FHIT: variants seen among roughly 807,000 people sequenced by gnomAD.
FHIT encodes the protein bis(5'-adenosyl)-triphosphatase.
A neutral mutation model predicts 17.9 loss-of-function variants in FHIT; 19 were observed. The observed-to-expected ratio is 1.06, with a 90% CI of 0.74 to 1.56. FHIT has a LOEUF of 1.56. Ranked by LOEUF, FHIT falls within the 40% of genes most tolerant of loss-of-function variation. The probability of loss-of-function intolerance (pLI) is 0.00; values close to 1 mark genes in which losing one functional copy is unlikely to be tolerated. For missense variants in FHIT, 248 were observed against 189.2 expected (o/e 1.31, Z -1.82); for synonymous variants, 81 against 69.7 (o/e 1.16, Z -0.81).
At chr3:61,024,046 T>C (rs1471064561) in intron 3 of FHIT, among the ~76,000 whole-genome samples, 1 of 152,080 alleles carries the variant, frequency 6.6e-6, no homozygotes, top group Non-Finnish European at 1.5e-5. Context: ...GACAGTATTA[T>C]AAAAGCCAAT....
intron 4 of FHIT, among the ~76,000 whole-genome samples, chr3:60,797,198 T>G (rs1701012723): frequency 1.3e-5 from 2 of 152,298 alleles, no homozygotes; most frequent in African/African-American, 2.4e-5. Context: ...CAGTAACTCT[T>G]ACTCTTGTGC....
chr3:60,315,773 G>C (rs539866796), intron 5 of FHIT, among the ~76,000 whole-genome samples: 4 of 152,168 alleles, frequency 2.6e-5, no homozygotes, highest in African/African-American at 7.2e-5. Flanking sequence ...ACATCTTCCT[G>C]GTGGACAAAT....
intron 4 of FHIT, among the ~76,000 whole-genome samples, chr3:60,614,472 C>T (rs2038879231): frequency 6.6e-6 from 1 of 152,058 alleles, no homozygotes; most frequent in Non-Finnish European, 1.5e-5. Context: ...GGCATGGTGG[C>T]AGATGCCTCT....
At chr3:59,968,621 C>T (rs1441546110) in intron 7 of FHIT, among the ~76,000 whole-genome samples, 3 of 152,076 alleles carry the variant, frequency 2.0e-5, no homozygotes, top group African/African-American at 7.2e-5. Flanking sequence ...AGTTCTCTAT[C>T]CTCCCCAGAG....
intron 3 of FHIT, among the ~76,000 whole-genome samples, chr3:60,826,887 T>C (rs1433171506): frequency 1.3e-5 from 2 of 152,196 alleles, no homozygotes; most frequent in African/African-American, 4.8e-5. Flanking sequence ...GGGAACAATA[T>C]GCTTGATTAG....
At chr3:60,117,455 A>G (rs1705018580) in intron 5 of FHIT, among the ~76,000 whole-genome samples, 1 of 149,544 alleles carries the variant, frequency 6.7e-6, no homozygotes, top group Non-Finnish European at 1.5e-5. Context: ...TAATGTCAAT[A>G]TTAAATCCAG....
chr3:60,236,462 C>T (rs1704801214), intron 5 of FHIT, among the ~76,000 whole-genome samples: 1 of 151,976 alleles, frequency 6.6e-6, no homozygotes, highest in South Asian at 2.1e-4. Flanking sequence ...ATTCTATCCC[C>T]AGTAGAATTT....
chr3:60,296,105 T>C (rs772542937), intron 5 of FHIT, among the ~76,000 whole-genome samples: 2 of 152,138 alleles, frequency 1.3e-5, no homozygotes, highest in Admixed American at 6.6e-5. Flanking sequence ...CATGATTGTG[T>C]GGCCTCCCCA....
chr3:60,505,618 C>T (rs956774695), intron 5 of FHIT, among the ~76,000 whole-genome samples: 5 of 152,160 alleles, frequency 3.3e-5, no homozygotes, highest in Admixed American at 6.6e-5. Context: ...AAGGTTTCTT[C>T]CAGCATATTT....
At chr3:61,203,619 G>T (rs139220664) in intron 1 of FHIT, among the ~76,000 whole-genome samples, 108 of 152,156 alleles carry the variant, frequency 7.1e-4, no homozygotes, top group Middle Eastern at 3.4e-3. Flanking sequence ...TAAGTAATGG[G>T]TATTGATTAA....
At chr3:61,136,370 G>A (rs1277199094) in intron 2 of FHIT, among the ~76,000 whole-genome samples, 1 of 152,110 alleles carries the variant, frequency 6.6e-6, no homozygotes, top group Non-Finnish European at 1.5e-5. Flanking sequence ...AATTAACTTG[G>A]CTCAAAAACT....
At chr3:60,849,256 T>C (rs915878660) in intron 3 of FHIT, among the ~76,000 whole-genome samples, 1 of 151,532 alleles carries the variant, frequency 6.6e-6, no homozygotes, top group Non-Finnish European at 1.5e-5. Context: ...AGCAAAGAAA[T>C]TTGACAAGGA....
chr3:59,789,257 A>G (rs1699448396), intron 8 of FHIT, among the ~76,000 whole-genome samples: 2 of 152,218 alleles, frequency 1.3e-5, no homozygotes, highest in Admixed American at 6.5e-5. Flanking sequence ...TTGACTATCT[A>G]TGAAGAAGAA....
chr3:60,161,315 G>A (rs1435543639), intron 5 of FHIT, among the ~76,000 whole-genome samples: 1 of 152,148 alleles, frequency 6.6e-6, no homozygotes, highest in East Asian at 1.9e-4. Context: ...AAGCAAAACG[G>A]CACAACGTCT....
chr3:61,128,296 T>G (rs1043723576), intron 2 of FHIT, among the ~76,000 whole-genome samples: 1 of 152,184 alleles, frequency 6.6e-6, no homozygotes, highest in Non-Finnish European at 1.5e-5. Context: ...TTTGATGACT[T>G]ATTGTAGGAC....
At chr3:60,315,957 T>A (rs990595400) in intron 5 of FHIT, among the ~76,000 whole-genome samples, 5 of 152,224 alleles carry the variant, frequency 3.3e-5, no homozygotes, top group African/African-American at 1.2e-4. Flanking sequence ...AAAATCATGC[T>A]GCATTAAATT....
chr3:60,759,605 G>A (rs879992689), intron 4 of FHIT, among the ~76,000 whole-genome samples: 1 of 152,110 alleles, frequency 6.6e-6, no homozygotes, highest in Non-Finnish European at 1.5e-5. Flanking sequence ...AGGCCAGTGT[G>A]GTTAAGTGGG....
chr3:59,891,642 T>G (rs545317624), intron 8 of FHIT, among the ~76,000 whole-genome samples: 1 of 152,230 alleles, frequency 6.6e-6, no homozygotes, highest in South Asian at 2.1e-4. Flanking sequence ...AGGTCTGGAG[T>G]GGGCCTTTGT....
intron 1 of FHIT, among the ~76,000 whole-genome samples, chr3:61,217,353 G>C (rs1272241166): frequency 6.6e-6 from 1 of 152,114 alleles, no homozygotes; most frequent in East Asian, 1.9e-4. Flanking sequence ...GGGATCATCT[G>C]AAGACTCATG....
Sources: allele counts gnomAD v4.1 joint callset (sites outside exome capture counted in the v4.1 genomes callset), GRCh38; gene constraint gnomAD v4.1.1; transcripts MANE v1.5; gene names NCBI Gene and HGNC (gene_info 2026-07-23, HGNC 2026-07-21).